Variants in TBC1D16 observed in about 807,000 individuals in gnomAD.
TBC1D16 encodes the protein CTD-2529O21.1.
Under a neutral mutation model 74.7 loss-of-function variants are expected in TBC1D16, and 58 were observed. That is an observed-to-expected ratio of 0.78 (90% CI 0.63 to 0.97). The LOEUF is 0.97. Among genes scored for constraint, TBC1D16 ranks in the 50% least tolerant of loss-of-function variants. The pLI, the probability that TBC1D16 is intolerant of heterozygous loss-of-function variation, is 0.00. For missense variants in TBC1D16, 1,014 were observed against 1,079.5 expected (o/e 0.94, Z 0.85); for synonymous variants, 493 against 474.7 (o/e 1.04, Z -0.50).
Position 79,944,804 on chromosome 17 carries a change from T to TG in TBC1D16, c.1908+103dup. On this transcript the variant is annotated intron_variant, in intron 10 of 11. Coordinates refer to ENST00000310924, the MANE Select transcript of TBC1D16 (RefSeq NM_019020.4). This position sits in a 1 kb window ranked among gnomAD's most constrained non-coding sequence, Gnocchi z 7.7. The stretch of plus-strand genomic sequence containing the variant: ...CGTATGGGGGGCTAATGTGTGGCTG[T>TG]GGGTGGGGGGCGGCGAGGCGGACAG... 1 of 1,089,882 alleles carries TG rather than the reference T, an allele frequency of 9.2e-7. No individual in the cohort carries two copies. The highest frequency in any genetic ancestry group is 1.3e-6 in the Non-Finnish European group (1 of 780,792). 67.5% of individuals were successfully genotyped at this position (1,089,882 alleles called of 1,614,324 possible).
chr17:79,983,206 G>A lies in TBC1D16; in HGVS notation c.779+26954C>T, dbSNP rs1219087419. On this transcript the variant is annotated intron_variant, in intron 3 of 11. Transcript: ENST00000310924. This position sits in a 1 kb window ranked among gnomAD's most constrained non-coding sequence, Gnocchi z 5.6. ...GAAACCCAGTGGCGGTTCAGAAGAC[G>A]TGGCAGCGCGGGAGGGGTTTATGGC... 1.3e-5 allele frequency among the ~76,000 whole-genome samples: 2 copies of A among 152,230 alleles called. No individual in the cohort carries two copies. Among genetic ancestry groups the A allele is most frequent in the African/African-American group, 2.4e-5 (1 of 41,468 alleles).
At position 79,946,885 on chromosome 17, in the gene TBC1D16, C is replaced by T. The variant is rs578066090; in HGVS notation, c.1728+760G>A. Among the ~76,000 whole-genome samples, 30 of 152,344 alleles carry T rather than the reference C, an allele frequency of 2.0e-4. No individual in the cohort carries two copies. In the South Asian group the frequency reaches 5.6e-3, roughly 28 times the overall value. On this transcript the variant is annotated intron_variant, in intron 9 of 11. Coordinates refer to ENST00000310924, the MANE Select transcript of TBC1D16 (RefSeq NM_019020.4). ...TATCACGGGCACCTCCCACAGTGCT[C>T]CCCGACACCCAGCGTCCTCTGCTCA...
Position 79,941,985 on chromosome 17 carries a change from C to T in TBC1D16, c.2055+75G>A, listed in dbSNP as rs553724763. ...GGGCCCACATCTGGGGCAGCCTCAC[C>T]TTTCTGAGAACGAGCTGGTGGGGTG... On this transcript the variant is annotated intron_variant, in intron 11 of 11. Coordinates refer to ENST00000310924, the MANE Select transcript of TBC1D16 (RefSeq NM_019020.4). The surrounding 1 kb of genome is among the most constrained non-coding windows in gnomAD (Gnocchi z 4.3). The T allele has an allele frequency of 9.7e-6, 13 of 1,343,160 alleles. No individual in the cohort carries two copies. The highest frequency in any genetic ancestry group is 9.4e-5 in the South Asian group (7 of 74,754). 83.2% of individuals were successfully genotyped at this position (1,343,160 alleles called of 1,614,324 possible).
rs1470636107 is a variant in TBC1D16 at position 79,940,797 on chromosome 17, C to T, written c.*62G>A. The T allele has an allele frequency of 3.4e-6, 5 of 1,450,930 alleles. No homozygotes were observed. The highest frequency in any genetic ancestry group is 2.8e-5 in the African/African-American group (2 of 70,330). The allele number at this position is 1,450,930 out of a possible 1,614,324, so 89.9% of individuals were successfully genotyped here. Reference sequence around the variant, plus strand: ...TCCCCTTCACGCCCAGCCCCACCCCCTCCCGTGCCCAGGGCCTCTGAGGAG... The same window carrying T: ...TCCCCTTCACGCCCAGCCCCACCCCTTCCCGTGCCCAGGGCCTCTGAGGAG... On this transcript the variant is annotated 3_prime_UTR_variant, in exon 12 of 12. Coordinates refer to ENST00000310924, the MANE Select transcript of TBC1D16 (RefSeq NM_019020.4). This position sits in a 1 kb window ranked among gnomAD's most constrained non-coding sequence, Gnocchi z 5.4.
Position 79,980,752 on chromosome 17 carries a change from G to A in TBC1D16, c.780-27934C>T, listed in dbSNP as rs1448047516. 1.3e-5 allele frequency among the ~76,000 whole-genome samples: 2 copies of A among 152,230 alleles called. No homozygotes were observed. The highest frequency in any genetic ancestry group is 2.9e-5 in the Non-Finnish European group (2 of 68,040). On this transcript the variant is annotated intron_variant, in intron 3 of 11. Transcript: ENST00000310924. This position sits in a 1 kb window ranked among gnomAD's most constrained non-coding sequence, Gnocchi z 7.0. ...CTCCGCGCACCCCAACAGCAGAGAC[G>A]TAACGTGCAGGACTGACTGGTGCTT...
chr17:79,985,756 C>A lies in TBC1D16; in HGVS notation c.779+24404G>T, dbSNP rs1169042053. ...ACCTCTCTAATTGCGCACACTCCCC[C>A]CTCGGCTGGGTCCTCGGGGATGCCC... On this transcript the variant is annotated intron_variant, in intron 3 of 11. Transcript: ENST00000310924. The surrounding 1 kb of genome is among the most constrained non-coding windows in gnomAD (Gnocchi z 4.9). Among the ~76,000 whole-genome samples the A allele has an allele frequency of 1.3e-5, 2 of 152,218 alleles. No homozygotes were observed. Among genetic ancestry groups the A allele is most frequent in the African/African-American group, 4.8e-5 (2 of 41,458 alleles).
At position 79,941,074 on chromosome 17, in the gene TBC1D16, G is replaced by A. The variant is rs1177142972; in HGVS notation, c.2089C>T (p.Pro697Ser). The A allele has an allele frequency of 1.9e-6, 3 of 1,591,734 alleles. No individual in the cohort carries two copies. Among genetic ancestry groups the A allele is most frequent in the Non-Finnish European group, 8.6e-7 (1 of 1,168,802 alleles). The change falls in exon 12 of 12, where the codon CCC (proline) becomes TCC (serine). Residue 697 changes from proline to serine, a missense_variant. Pro to Ser is a moderately conservative substitution (Grantham distance 74). Transcript: ENST00000310924. The surrounding 1 kb of genome is among the most constrained non-coding windows in gnomAD (Gnocchi z 4.3). ...TCGTGCAGGCTGCAGGGGATCCGGG[G>A]CAGGAGGCGGAACTGGTACAGCAAA... ...RSLLYQFRLL[P>S]RIPCSLHDLC...
chr17:80,021,700 CACAG>C (rs1019641055), intron 1 of TBC1D16, among the ~76,000 whole-genome samples: 18 of 148,578 alleles, frequency 1.2e-4, no homozygotes, highest in Non-Finnish European at 2.1e-4. Flanking sequence ...GCATAAACAT[CACAG>C]ACACACACAC....
Position 80,035,232 on chromosome 17 carries a change from T to C in TBC1D16, c.-63+563A>G, listed in dbSNP as rs529988696. 8.2e-4 allele frequency among the ~76,000 whole-genome samples: 45 copies of C among 54,740 alleles called. No individual in the cohort carries two copies. Among genetic ancestry groups the C allele is most frequent in the Middle Eastern group, 0.038 (2 of 52 alleles). 35.9% of individuals were successfully genotyped at this position (54,740 alleles called of 152,430 possible). A position where few individuals can be genotyped will look rare whatever the true frequency, so the allele number is the denominator to read the frequency against. On this transcript the variant is annotated intron_variant, in intron 1 of 11. Transcript: ENST00000310924. The surrounding 1 kb of genome is among the most constrained non-coding windows in gnomAD (Gnocchi z 5.3). Reference sequence around the variant, plus strand: ...TTCCTTCCTTTCGTTCTTTCTTTCTTTTTCTTTTTTTTTTTTTCCCAAAGG... The same window carrying C: ...TTCCTTCCTTTCGTTCTTTCTTTCTCTTTCTTTTTTTTTTTTTCCCAAAGG...
At position 79,975,404 on chromosome 17, in the gene TBC1D16, C is replaced by A. The variant is rs1362463416; in HGVS notation, c.780-22586G>T. 6.6e-6 allele frequency among the ~76,000 whole-genome samples: 1 copy of A among 152,142 alleles called. No homozygotes were observed. The highest frequency in any genetic ancestry group is 2.4e-5 in the African/African-American group (1 of 41,438). On this transcript the variant is annotated intron_variant, in intron 3 of 11. Transcript: ENST00000310924. This position sits in a 1 kb window ranked among gnomAD's most constrained non-coding sequence, Gnocchi z 4.5. ...GCTGGCTGTGAGGTTTCCTGGGAAC[C>A]CTTGCCTCCTACATGGCCTACTTAA... is the stretch of plus-strand genomic sequence containing the variant.
chr17:80,032,248 G>A (rs1452719160), intron 1 of TBC1D16, among the ~76,000 whole-genome samples: 1 of 152,178 alleles, frequency 6.6e-6, no homozygotes, highest in Non-Finnish European at 1.5e-5. Flanking sequence ...CTCAGCGTCT[G>A]CAGCCCATAC....
chr17:79,936,909 C>CGTGTGTGTGTGTGTGTGTGTGT lies in TBC1D16; in HGVS notation c.*3928_*3949dup, dbSNP rs71959726. The CGTGTGTGTGTGTGTGTGTGTGT allele has an allele frequency of 2.5e-5, 3 of 122,200 alleles. No individual in the cohort carries two copies. In the Admixed American group the frequency reaches 2.6e-4, roughly 10 times the overall value. 7.6% of individuals were successfully genotyped at this position (122,200 alleles called of 1,614,324 possible). On this transcript the variant is annotated 3_prime_UTR_variant, in exon 12 of 12. Coordinates refer to ENST00000310924, the MANE Select transcript of TBC1D16 (RefSeq NM_019020.4). ...GTGCATGCGTGCGTGTGTGCATGTG[C>CGTGTGTGTGTGTGTGTGTGTGT]GTGTGTGTGTGTGTGTGTGTGTGTG...
chr17:80,032,621 G>A (rs549564136), intron 1 of TBC1D16, among the ~76,000 whole-genome samples: 15 of 152,266 alleles, frequency 9.9e-5, no homozygotes, highest in African/African-American at 2.9e-4. Context: ...AAACACTGCC[G>A]CTGAGGTGAA....
intron 3 of TBC1D16, among the ~76,000 whole-genome samples, chr17:80,002,479 T>C (rs1031986776): frequency 3.0e-4 from 46 of 152,180 alleles, no homozygotes; most frequent in African/African-American, 1.1e-3. Context: ...GTCCAAGCAC[T>C]GGCCAGCTCC....
intron 3 of TBC1D16, among the ~76,000 whole-genome samples, chr17:79,955,206 G>A (rs2033280342): frequency 6.6e-6 from 1 of 152,116 alleles, no homozygotes; most frequent in Non-Finnish European, 1.5e-5. Flanking sequence ...GGTTCCATAA[G>A]CTCAAACTAG....
rs190135321 is a variant in TBC1D16, at chr17:79,996,603, G to A, written c.779+13557C>T. On this transcript the variant is annotated intron_variant, in intron 3 of 11. Coordinates refer to ENST00000310924, the MANE Select transcript of TBC1D16 (RefSeq NM_019020.4). Reference sequence around the variant, plus strand: ...GCTTTAAAAACTAAGCACATAGGCCGGGAACGGTGGCTCACGCTTGCAATC... The same window carrying A: ...GCTTTAAAAACTAAGCACATAGGCCAGGAACGGTGGCTCACGCTTGCAATC... Among the ~76,000 whole-genome samples, 5 of 152,264 alleles carry A rather than the reference G, an allele frequency of 3.3e-5. No individual in the cohort carries two copies. The East Asian group carries it at 7.7e-4, about 23-fold the overall frequency.
chr17:79,950,663 CCTCT>C lies in TBC1D16; in HGVS notation c.1090-89_1090-86del. 3.2e-6 allele frequency: 5 copies of C among 1,559,554 alleles called. No homozygotes were observed. The highest frequency in any genetic ancestry group is 4.3e-6 in the Non-Finnish European group (5 of 1,150,410). On this transcript the variant is annotated intron_variant, in intron 5 of 11. Transcript: ENST00000310924. The surrounding 1 kb of genome is among the most constrained non-coding windows in gnomAD (Gnocchi z 4.6). ...GCAGTGCTTTTCCCAGGAATAAAAG[CCTCT>C]CTCTCTTCTGAAAGGAGGGCAAGGG...
At chr17:79,945,707 T>A (rs765103049) in intron 9 of TBC1D16, among the ~76,000 whole-genome samples, 14 of 152,336 alleles carry the variant, frequency 9.2e-5, no homozygotes, top group African/African-American at 3.1e-4. Context: ...CACCCAGCCA[T>A]GCGCTGCCAT....
chr17:79,996,647 G>A lies in TBC1D16; in HGVS notation c.779+13513C>T, dbSNP rs976653615. On this transcript the variant is annotated intron_variant, in intron 3 of 11. Transcript: ENST00000310924. ...TGCAATCCCAGCACTTTGGGAGGCC[G>A]AGGCGGGAGGATTGCTTGAGCCCAG... is the stretch of plus-strand genomic sequence containing the variant. 3.9e-5 allele frequency among the ~76,000 whole-genome samples: 6 copies of A among 152,150 alleles called. No homozygotes were observed. The East Asian group carries it at 1.2e-3, about 29-fold the overall frequency.
Sources: allele counts gnomAD v4.1 joint callset (sites outside exome capture counted in the v4.1 genomes callset), GRCh38; gene constraint gnomAD v4.1.1; non-coding constraint Gnocchi (gnomAD v3.1); transcripts MANE v1.5; gene names NCBI Gene and HGNC (gene_info 2026-07-23, HGNC 2026-07-21).